FMR1: variants seen among roughly 807,000 people sequenced by gnomAD.
The protein encoded by FMR1 is FMRP translational regulator 1.
Under a neutral mutation model 50.6 loss-of-function variants are expected in FMR1, and 13 were observed. The ratio of observed to expected loss-of-function variants is 0.26; its 90% CI spans 0.17 to 0.41. The LOEUF is 0.41. Among genes scored for constraint, FMR1 ranks in the 10% least tolerant of loss-of-function variants. The probability of loss-of-function intolerance (pLI) is 1.00; values close to 1 mark genes in which losing one functional copy is unlikely to be tolerated. For synonymous variants in FMR1, 138 were observed against 164.1 expected, an observed-to-expected ratio of 0.84 and a Z score of 1.22; for missense variants, 316 against 491.3, an observed-to-expected ratio of 0.64 and a Z score of 3.37.
rs1557183338 is a variant in FMR1, at chrX:147,950,253, T to G, written c.*1409T>G. The G allele has an allele frequency of 3.0e-6, 1 of 329,743 alleles. No individual in the cohort carries two copies. The highest frequency in any genetic ancestry group is 2.6e-5 in the South Asian group (1 of 38,497). 27.2% of individuals were successfully genotyped at this position (329,743 alleles called of 1,213,427 possible). A position where few individuals can be genotyped will look rare whatever the true frequency, so the allele number is the denominator to read the frequency against. ...TATTTTGTGAGTTTGTTTCTTTGAA[T>G]TTTCATTTTACAGTTACTTTTCCTT... On this transcript the variant is annotated 3_prime_UTR_variant, in exon 17 of 17. Coordinates refer to ENST00000370475, the MANE Select transcript of FMR1 (RefSeq NM_002024.6).
Position 147,945,034 on chromosome X carries a change from G to A in FMR1, c.1637G>A (p.Arg546His), listed in dbSNP as rs782651077. 5.1e-6 allele frequency: 6 copies of A among 1,182,997 alleles called. No individual in the cohort carries two copies. In the South Asian group the frequency reaches 9.2e-5, roughly 18 times the overall value. The change falls in exon 15 of 17, where the codon CGT (arginine) becomes CAT (histidine). Residue 546 changes from arginine to histidine, a missense_variant. Coordinates refer to ENST00000370475, the MANE Select transcript of FMR1 (RefSeq NM_002024.6). ...GGGRGQGGRG[R>H]GGGFKGNDDH... is the part of the protein sequence containing the mutation. ...GGAAGAGGACAAGGAGGAAGAGGAC[G>A]TGGAGGAGGCTTCAAAGGTATGGAG...
chrX:147,924,698 G>A (rs1557177220), intron 2 of FMR1, among the ~76,000 whole-genome samples: 2 of 98,847 alleles, frequency 2.0e-5, no homozygotes, highest in Admixed American at 2.3e-4. Flanking sequence ...TTAATAATTT[G>A]TTGTAAAGAT....
At position 147,940,741 on chromosome X, in the gene FMR1, A is replaced by T. The variant is rs781910579; in HGVS notation, c.1275+79A>T. The T allele has an allele frequency of 1.3e-3, 841 of 656,850 alleles. 3 individuals are homozygous for T. The highest frequency in any genetic ancestry group is 1.1e-3 in the Non-Finnish European group (455 of 396,474). The allele number at this position is 656,850 out of a possible 1,213,427, so 54.1% of individuals were successfully genotyped here. A position where few individuals can be genotyped will look rare whatever the true frequency, so the allele number is the denominator to read the frequency against. On this transcript the variant is annotated intron_variant, in intron 13 of 16. Coordinates refer to ENST00000370475, the MANE Select transcript of FMR1 (RefSeq NM_002024.6). ...CTTTATAGTAGATCTTTCAGCAGTT[A>T]GGACTCATTCTAGCCTGTGCAAAAC...
Position 147,951,043 on chromosome X carries a change from T to A in FMR1, c.*2199T>A. 1 of 243,616 alleles carries A rather than the reference T, an allele frequency of 4.1e-6. No homozygotes were observed. Among genetic ancestry groups the A allele is most frequent in the Non-Finnish European group, 7.8e-6 (1 of 128,349 alleles). The allele number at this position is 243,616 out of a possible 1,213,427, so 20.1% of individuals were successfully genotyped here. Reference sequence around the variant, plus strand: ...TCAAAGTCATGATGTTTTTAAAATCTTATTAAAGTTTCAAAAATCTGAAGA... The same window carrying A: ...TCAAAGTCATGATGTTTTTAAAATCATATTAAAGTTTCAAAAATCTGAAGA... On this transcript the variant is annotated 3_prime_UTR_variant, in exon 17 of 17. Coordinates refer to ENST00000370475, the MANE Select transcript of FMR1 (RefSeq NM_002024.6).
At position 147,915,737 on chromosome X, in the gene FMR1, G is replaced by A. The variant is rs782537223; in HGVS notation, c.51+3507G>A. Among the ~76,000 whole-genome samples the A allele has an allele frequency of 1.5e-4, 17 of 111,606 alleles. No homozygotes were observed. The South Asian group carries it at 6.3e-3, about 42-fold the overall frequency. On this transcript the variant is annotated intron_variant, in intron 1 of 16. Transcript: ENST00000370475. ...GTTAACAGGGGATGAGTACTTTCTA[G>A]GTGCCAGGCACTGTTCTCTCTGATA...
chrX:147,929,287 A>G (rs1178620466), intron 5 of FMR1, among the ~76,000 whole-genome samples: 1 of 111,961 alleles, frequency 8.9e-6, no homozygotes, highest in Non-Finnish European at 1.9e-5. Flanking sequence ...TATAGAAGAG[A>G]CGCATTTTTA....
intron 2 of FMR1, among the ~76,000 whole-genome samples, chrX:147,923,450 AG>A (rs1345749064): frequency 9.0e-6 from 1 of 111,561 alleles, no homozygotes; most frequent in Non-Finnish European, 1.9e-5. Flanking sequence ...TTACATCACT[AG>A]GTAAATGCTG....
intron 1 of FMR1, among the ~76,000 whole-genome samples, chrX:147,915,071 A>G (rs1458447934): frequency 2.7e-5 from 3 of 111,484 alleles, no homozygotes; most frequent in Non-Finnish European, 5.7e-5. Flanking sequence ...TGAAAATACA[A>G]CCTCTGATTT....
At chrX:147,919,689 C>T (rs782146520) in intron 1 of FMR1, among the ~76,000 whole-genome samples, 13 of 112,182 alleles carry the variant, frequency 1.2e-4, no homozygotes, top group Admixed American at 5.6e-4. Flanking sequence ...CCACCTTGAT[C>T]TTACAAGGAA....
intron 13 of FMR1, 115 bp downstream of exon 13, chrX:147,940,777 T>C: frequency 2.0e-6 from 1 of 497,350 alleles, no homozygotes; most frequent in Non-Finnish European, 3.6e-6. Flanking sequence ...ACTGTATGAC[T>C]TGTCAAAGGT....
chrX:147,922,371 C>T (rs1557176682), intron 2 of FMR1, among the ~76,000 whole-genome samples: 1 of 111,466 alleles, frequency 9.0e-6, no homozygotes, highest in Non-Finnish European at 1.9e-5. Context: ...AAATCTAAAA[C>T]TGATGGTTTT....
Position 147,945,578 on chromosome X carries a change from A to G in FMR1, c.1699A>G (p.Arg567Gly). 8.3e-7 allele frequency: 1 copy of G among 1,209,597 alleles called. No homozygotes were observed. The highest frequency in any genetic ancestry group is 1.7e-5 in the African/African-American group (1 of 57,970). The part of the protein sequence containing the change: ...SRTDNRPRNP[R>G]EAKGRTTDGS... ...AACAGATAATCGTCCACGTAATCCAAGAGAGGCTAAAGGAAGAACAACAGA... is the reference window on the plus strand; with the variant it reads ...AACAGATAATCGTCCACGTAATCCAGGAGAGGCTAAAGGAAGAACAACAGA... The change falls in exon 16 of 17, where the codon AGA becomes GGA. Residue 567 changes from arginine (R) to glycine (G), a missense_variant. By Grantham distance (125) the Arg-to-Gly change is moderately radical. Coordinates refer to ENST00000370475, the MANE Select transcript of FMR1 (RefSeq NM_002024.6).
intron 10 of FMR1, among the ~76,000 whole-genome samples, chrX:147,937,243 G>A (rs2043820004): frequency 1.8e-5 from 2 of 111,686 alleles, no homozygotes; most frequent in African/African-American, 3.2e-5. Context: ...TCAAAGAGCC[G>A]TAATTTTCAC....
At chrX:147,944,657 T>G (rs1385104923) in intron 14 of FMR1, 1 of 1,049,035 alleles carries the variant, frequency 9.5e-7, no homozygotes, top group Non-Finnish European at 1.2e-6. Flanking sequence ...TGAAACATGT[T>G]TATAACCAAA....
chrX:147,918,004 A>G (rs782060587), intron 1 of FMR1, among the ~76,000 whole-genome samples: 1 of 111,430 alleles, frequency 9.0e-6, no homozygotes, highest in Non-Finnish European at 1.9e-5. Flanking sequence ...GCCTTTGGAA[A>G]CCTCTCAGGA....
In FMR1 at chrX:147,940,678, ACTT is replaced by A. The variant is rs1557180641; in HGVS notation, c.1275+17_1275+19del. The A allele has an allele frequency of 9.5e-7, 1 of 1,051,082 alleles. No homozygotes were observed. Among genetic ancestry groups the A allele is most frequent in the Admixed American group, 2.2e-5 (1 of 45,897 alleles). The allele number at this position is 1,051,082 out of a possible 1,213,427, so 86.6% of individuals were successfully genotyped here. On this transcript the variant is annotated intron_variant, in intron 13 of 16. Coordinates refer to ENST00000370475, the MANE Select transcript of FMR1 (RefSeq NM_002024.6). ...CTATTTAAAGGTGAGAACAGAAAGAACTTTAACTTCTAATCCTTTTGTACTAAA... is the reference window on the plus strand; with the variant it reads ...CTATTTAAAGGTGAGAACAGAAAGAATAACTTCTAATCCTTTTGTACTAAA...
chrX:147,927,468 C>G (rs1198628677), intron 3 of FMR1, among the ~76,000 whole-genome samples: 2 of 111,673 alleles, frequency 1.8e-5, no homozygotes, highest in Non-Finnish European at 3.8e-5. Flanking sequence ...GAGACAAGTT[C>G]GAGCTTTTAC....
chrX:147,928,602 ACTT>A (rs2043473693), intron 4 of FMR1, 54 bp from the exon 5 acceptor site: 4 of 1,054,950 alleles, frequency 3.8e-6, no homozygotes, highest in Non-Finnish European at 3.9e-6. Flanking sequence ...AATAGGGAGA[ACTT>A]CTTATTCTTA....
chrX:147,912,469 C>CT (rs1349734975), intron 1 of FMR1, among the ~76,000 whole-genome samples: 1 of 111,909 alleles, frequency 8.9e-6, no homozygotes, highest in Non-Finnish European at 1.9e-5. Flanking sequence ...AGAGGGTTCT[C>CT]TTTCGGCGCC....
Sources: gnomAD v4.1 joint callset for allele counts (sites outside exome capture counted in the v4.1 genomes callset) on GRCh38, gnomAD v4.1.1 for gene constraint, MANE v1.5 for transcripts, NCBI Gene and HGNC (gene_info 2026-07-23, HGNC 2026-07-21) for gene names.